Variants in PLEKHH3 observed in about 807,000 individuals in gnomAD.
PLEKHH3 encodes the protein pleckstrin homology, MyTH4 and FERM domain containing H3.
PLEKHH3 carries 57 observed loss-of-function variants against 77.8 expected under a neutral mutation model. That is an observed-to-expected ratio of 0.73 (90% CI 0.59 to 0.91). The LOEUF is 0.91. Ranked by LOEUF, PLEKHH3 falls within the 40% of genes least tolerant of loss-of-function variation. The pLI is 0.00. For synonymous variants in PLEKHH3, 467 were observed against 504.8 expected (o/e 0.93, Z 1.00); for missense variants, 1,082 against 1,091.2 (o/e 0.99, Z 0.12).
intron 5 of PLEKHH3, 45 bp from the exon 6 acceptor site, chr17:42,673,341 C>T (rs1207211291): frequency 2.5e-6 from 4 of 1,606,264 alleles, no homozygotes; most frequent in Non-Finnish European, 2.5e-6. Context: ...AAGGGAGTTC[C>T]TCACAACCCC....
chr17:42,673,054 G>A (rs962934446), intron 6 of PLEKHH3, 122 bp downstream of exon 6: 24 of 1,322,894 alleles, frequency 1.8e-5, no homozygotes, highest in Non-Finnish European at 2.2e-5. Flanking sequence ...TTCATCCTTC[G>A]AAAAGTGAGG....
In PLEKHH3 at chr17:42,670,000, T is replaced by TCAGCTCGGCCCATGCCCC. The variant is rs1349987523; in HGVS notation, c.1913_1930dup (p.Ala643_Glu644insGlyGlyMetGlyArgAla). On this transcript the variant is annotated inframe_insertion, in exon 11 of 13. Coordinates refer to ENST00000591022, the MANE Select transcript of PLEKHH3 (RefSeq NM_024927.5). The stretch of plus-strand genomic sequence containing the variant: ...CAGGGCCAGGTAGGCGGCCATGGCC[T>TCAGCTCGGCCCATGCCCC]CAGCTCGGCCCATGCCCCGTAGCCG... 4.4e-6 allele frequency: 7 copies of TCAGCTCGGCCCATGCCCC among 1,604,730 alleles called. No homozygotes were observed. In the Admixed American group the frequency reaches 1.2e-4, roughly 27 times the overall value.
chr17:42,676,133 G>C lies in PLEKHH3; in HGVS notation c.162+269C>G. Reference sequence around the variant, plus strand: ...GCCCAGCGGGGAAGGGAGAGGCAGGGCCAGGTCGGGCCACGCGTGACGCCT... The same window carrying C: ...GCCCAGCGGGGAAGGGAGAGGCAGGCCCAGGTCGGGCCACGCGTGACGCCT... On this transcript the variant is annotated intron_variant, in intron 1 of 12. Coordinates refer to ENST00000591022, the MANE Select transcript of PLEKHH3 (RefSeq NM_024927.5). This position sits in a 1 kb window ranked among gnomAD's most constrained non-coding sequence, Gnocchi z 6.6. 7.5e-7 allele frequency: 1 copy of C among 1,337,890 alleles called. No homozygotes were observed. Among genetic ancestry groups the C allele is most frequent in the African/African-American group, 1.5e-5 (1 of 66,424 alleles). The allele number at this position is 1,337,890 out of a possible 1,614,324, so 82.9% of individuals were successfully genotyped here. A position where few individuals can be genotyped will look rare whatever the true frequency, so the allele number is the denominator to read the frequency against.
In PLEKHH3 at chr17:42,671,271, A is replaced by G. The variant is rs1004658482; in HGVS notation, c.1284+80T>C. Reference sequence around the variant, plus strand: ...AATAATCTAGACTCGGGGCAAACCTAGGGTCCAGGAAGAGGGAGAGACAGG... The same window carrying G: ...AATAATCTAGACTCGGGGCAAACCTGGGGTCCAGGAAGAGGGAGAGACAGG... On this transcript the variant is annotated intron_variant, in intron 8 of 12. Coordinates refer to ENST00000591022, the MANE Select transcript of PLEKHH3 (RefSeq NM_024927.5). The surrounding 1 kb of genome is among the most constrained non-coding windows in gnomAD (Gnocchi z 4.7). 3 of 1,556,184 alleles carry G rather than the reference A, an allele frequency of 1.9e-6. No individual in the cohort carries two copies. The highest frequency in any genetic ancestry group is 1.8e-5 in the Admixed American group (1 of 54,336).
Position 42,670,100 on chromosome 17 carries a change from G to C in PLEKHH3, c.1831C>G (p.Arg611Gly). 1 of 1,337,474 alleles carries C rather than the reference G, an allele frequency of 7.5e-7. No homozygotes were observed. Among genetic ancestry groups the C allele is most frequent in the Non-Finnish European group, 9.5e-7 (1 of 1,052,790 alleles). 82.9% of individuals were successfully genotyped at this position (1,337,474 alleles called of 1,614,324 possible). ...TCGCGGGCAATGCTTCCCGCAGTGC[G>C]GCCGGCCCCGCCGCGCCGGGCCCGC... Reference protein sequence around the residue: ...AERARRGGAGRTAGSIAREGG... With the variant: ...AERARRGGAGGTAGSIAREGG... The change falls in exon 11 of 13, where the codon CGC (arginine) becomes GGC (glycine). Residue 611 changes from arginine to glycine, a missense_variant. By Grantham distance (125) the Arg-to-Gly change is moderately radical (BLOSUM62 -2). Around this residue, in one of 3 missense-constraint regions of PLEKHH3, gnomAD observed 733 missense variants for 750.0 expected, o/e 0.98. Coordinates refer to ENST00000591022, the MANE Select transcript of PLEKHH3 (RefSeq NM_024927.5).
intron 1 of PLEKHH3, among the ~76,000 whole-genome samples, 157 bp from the exon 2 acceptor site, chr17:42,674,566 C>A (rs1217383289): frequency 6.6e-6 from 1 of 152,196 alleles, no homozygotes; most frequent in Admixed American, 6.5e-5. Flanking sequence ...CCCCTGGGCT[C>A]GCCCCTCCCG....
At position 42,674,393 on chromosome 17, in the gene PLEKHH3, G is replaced by C. The variant is rs779873554; in HGVS notation, c.179C>G (p.Thr60Arg). Residue 60 changes from threonine (T) to arginine (R), a missense_variant, in exon 2 of 13, where the codon ACG (threonine) becomes AGG (arginine). This residue lies in a region of PLEKHH3 where 344 missense variants were observed against 320.8 expected (regional missense o/e 1.07). Transcript: ENST00000591022. ...AGGGRGPLEV[T>R]LTQPVRSGPV... ...CCCGCTCCTCACTGGCTGAGTCAGC[G>C]TCACTTCCAGGGGACCCTGGGGAGA... The C allele has an allele frequency of 1.3e-6, 2 of 1,594,614 alleles. No individual in the cohort carries two copies. The highest frequency in any genetic ancestry group is 3.6e-5 in the Admixed American group (2 of 55,856).
Position 42,676,288 on chromosome 17 carries a change from C to T in PLEKHH3, c.162+114G>A. ...TTGGCCCCCAGGCAAAAAACTCTCC[C>T]TCATCCCTAGTTCGCCAAGCGCGCA... On this transcript the variant is annotated intron_variant, in intron 1 of 12. Coordinates refer to ENST00000591022, the MANE Select transcript of PLEKHH3 (RefSeq NM_024927.5). The surrounding 1 kb of genome is among the most constrained non-coding windows in gnomAD (Gnocchi z 6.6). 2 of 1,524,146 alleles carry T rather than the reference C, an allele frequency of 1.3e-6. No homozygotes were observed. The highest frequency in any genetic ancestry group is 1.8e-6 in the Non-Finnish European group (2 of 1,137,310). 94.4% of individuals were successfully genotyped at this position (1,524,146 alleles called of 1,614,324 possible).
chr17:42,671,647 T>A lies in PLEKHH3; in HGVS notation c.1077-89A>T. 1 of 1,356,982 alleles carries A rather than the reference T, an allele frequency of 7.4e-7. No homozygotes were observed. Among genetic ancestry groups the A allele is most frequent in the Non-Finnish European group, 1.0e-6 (1 of 1,001,662 alleles). 84.1% of individuals were successfully genotyped at this position (1,356,982 alleles called of 1,614,324 possible). A position where few individuals can be genotyped will look rare whatever the true frequency, so the allele number is the denominator to read the frequency against. The stretch of plus-strand genomic sequence containing the variant: ...TGCTTCTCTTATAGTTTATTTTATC[T>A]AGCCGATTTCCTCCCCGCCCCAACT... On this transcript the variant is annotated intron_variant, in intron 7 of 12. Coordinates refer to ENST00000591022, the MANE Select transcript of PLEKHH3 (RefSeq NM_024927.5). This position sits in a 1 kb window ranked among gnomAD's most constrained non-coding sequence, Gnocchi z 4.7.
Position 42,670,208 on chromosome 17 carries a change from G to A in PLEKHH3, c.1723C>T (p.Arg575Cys). ...PPAPPREDPPRPTPRPPPSAA... is the reference protein window; with the variant it reads ...PPAPPREDPPCPTPRPPPSAA... ...GAAGGGGGCGGCCTGGGGGTCGGGCGGGGCGGGTCTTCGCGCGGCGGGGCC... is the reference window on the plus strand; with the variant it reads ...GAAGGGGGCGGCCTGGGGGTCGGGCAGGGCGGGTCTTCGCGCGGCGGGGCC... Residue 575 changes from arginine (R) to cysteine (C), a missense_variant, in exon 11 of 13, where the codon CGC (arginine) becomes TGC (cysteine). Arg to Cys is a radical substitution (Grantham distance 180). Around this residue, in one of 3 missense-constraint regions of PLEKHH3, gnomAD observed 733 missense variants for 750.0 expected, o/e 0.98. Coordinates refer to ENST00000591022, the MANE Select transcript of PLEKHH3 (RefSeq NM_024927.5). 3 of 1,211,010 alleles carry A rather than the reference G, an allele frequency of 2.5e-6. No homozygotes were observed. The South Asian group carries it at 1.2e-4, about 48-fold the overall frequency. The allele number at this position is 1,211,010 out of a possible 1,614,324, so 75.0% of individuals were successfully genotyped here.
chr17:42,672,606 C>T (rs1163553860), intron 6 of PLEKHH3, among the ~76,000 whole-genome samples: 2 of 152,128 alleles, frequency 1.3e-5, no homozygotes, highest in Non-Finnish European at 2.9e-5. Context: ...CCTTCCCAAT[C>T]CCACTAAGCC....
Position 42,673,259 on chromosome 17 carries a change from T to A in PLEKHH3, c.686A>T (p.Tyr229Phe), listed in dbSNP as rs775023195. 51 of 1,596,392 alleles carry A rather than the reference T, an allele frequency of 3.2e-5. No individual in the cohort carries two copies. Among genetic ancestry groups the A allele is most frequent in the Non-Finnish European group, 4.3e-5 (51 of 1,174,416 alleles). ...GTGTCTCAGAATCGGGTTCCTCAGGTAAATGAGGGCAACGGCCTCTGGGTC... is the reference window on the plus strand; with the variant it reads ...GTGTCTCAGAATCGGGTTCCTCAGGAAAATGAGGGCAACGGCCTCTGGGTC... ...CGDPEAVALI[Y>F]LRNPILRHTS... Residue 229 changes from tyrosine to phenylalanine, a missense_variant, in exon 6 of 13, where the codon TAC becomes TTC. By Grantham distance (22) the Tyr-to-Phe change is conservative. This residue lies in a region of PLEKHH3 where 344 missense variants were observed against 320.8 expected (regional missense o/e 1.07). Coordinates refer to ENST00000591022, the MANE Select transcript of PLEKHH3 (RefSeq NM_024927.5).
At position 42,673,566 on chromosome 17, in the gene PLEKHH3, A is replaced by G; in HGVS notation, c.491-10T>C. On this transcript the variant is annotated splice_polypyrimidine_tract_variant and intron_variant, in intron 4 of 12. Transcript: ENST00000591022. The stretch of plus-strand genomic sequence containing the variant: ...GTCACTGACCACAGACCTGGGGAAA[A>G]GAGAGGCCAGGGAGGGCCATTAGGG... 3 of 1,587,536 alleles carry G rather than the reference A, an allele frequency of 1.9e-6. No homozygotes were observed. The highest frequency in any genetic ancestry group is 1.7e-4 in the Middle Eastern group (1 of 5,938).
chr17:42,673,224 C>A lies in PLEKHH3; in HGVS notation c.721G>T (p.Ala241Ser). The part of the protein sequence containing the change: ...RNPILRHTSG[A>S]LYAPLLPLPY... ...AGGGGCAGGAGTGGGGCATACAAGG[C>A]TCCACTAGTGTGTCTCAGAATCGGG... Residue 241 changes from alanine to serine, a missense_variant, in exon 6 of 13, where the codon GCC (alanine) becomes TCC (serine). Ala to Ser is a moderately conservative substitution (Grantham distance 99). Around this residue, in one of 3 missense-constraint regions of PLEKHH3, gnomAD observed 5 missense variants for 20.4 expected, o/e 0.24. Coordinates refer to ENST00000591022, the MANE Select transcript of PLEKHH3 (RefSeq NM_024927.5). 1 of 1,574,750 alleles carries A rather than the reference C, an allele frequency of 6.4e-7. No homozygotes were observed.
At chr17:42,668,417 G>T in intron 12 of PLEKHH3, 114 bp from the exon 13 acceptor site, 1 of 889,676 alleles carries the variant, frequency 1.1e-6, no homozygotes, top group Non-Finnish European at 1.6e-6. Flanking sequence ...TACGTGCTCT[G>T]GCCCTGCAAC....
chr17:42,673,948 T>G lies in PLEKHH3; in HGVS notation c.284A>C (p.Asp95Ala). Residue 95 changes from aspartate (D) to alanine (A), a missense_variant, in exon 3 of 13, where the codon GAC (aspartate) becomes GCC (alanine). This residue lies in a region of PLEKHH3 where 344 missense variants were observed against 320.8 expected (regional missense o/e 1.07). Transcript: ENST00000591022. ...GGGGTCTCTACCTTTCACAACGATG[T>G]CCGGGTCGTCCTCCGGCAGCCCTTT... ...PEKGLPEDDP[D>A]IVVKGWLYRE... 2 of 1,613,448 alleles carry G rather than the reference T, an allele frequency of 1.2e-6. No homozygotes were observed. Among genetic ancestry groups the G allele is most frequent in the Non-Finnish European group, 1.7e-6 (2 of 1,179,906 alleles).
chr17:42,674,599 T>G, intron 1 of PLEKHH3, 190 bp from the exon 2 acceptor site: 10 of 447,944 alleles, frequency 2.2e-5, no homozygotes, highest in Non-Finnish European at 2.0e-5. Flanking sequence ...GGACAAGCTC[T>G]TCAGAACAGC....
rs1352103751 is a variant in PLEKHH3 at position 42,669,415 on chromosome 17, CCTCTT to C, written c.2205+10_2205+14del. On this transcript the variant is annotated intron_variant, in intron 12 of 12. Coordinates refer to ENST00000591022, the MANE Select transcript of PLEKHH3 (RefSeq NM_024927.5). ...TCCCTTCTCTCCTCCTCCCACAACT[CCTCTT>C]CTCACTCACCTGGGGGCTCTGCAGG... 2 of 1,512,348 alleles carry C rather than the reference CCTCTT, an allele frequency of 1.3e-6. No individual in the cohort carries two copies. Among genetic ancestry groups the C allele is most frequent in the East Asian group, 2.3e-5 (1 of 43,320 alleles). 93.7% of individuals were successfully genotyped at this position (1,512,348 alleles called of 1,614,324 possible).
chr17:42,670,866 C>T (rs1008388476), intron 9 of PLEKHH3, 128 bp downstream of exon 9: 42 of 1,525,600 alleles, frequency 2.8e-5, no homozygotes, highest in Non-Finnish European at 3.5e-5. Flanking sequence ...CGGGCAGGTC[C>T]GTCTGTAAAC....
Sources: gnomAD v4.1 joint callset for allele counts (sites outside exome capture counted in the v4.1 genomes callset) on GRCh38, gnomAD v4.1.1 for gene constraint, gnomAD v4.1.1 regional missense constraint, Gnocchi (gnomAD v3.1) non-coding constraint, MANE v1.5 for transcripts, NCBI Gene and HGNC (gene_info 2026-07-23, HGNC 2026-07-21) for gene names.